SMARCAL1: variants seen among roughly 807,000 people sequenced by gnomAD.
The protein encoded by SMARCAL1 is SNF2 related chromatin remodeling annealing helicase 1, also known as ATP-driven annealing helicase.
Under a neutral mutation model 94.5 loss-of-function variants are expected in SMARCAL1, and 58 were observed. The observed-to-expected ratio is 0.61, with a 90% confidence interval of 0.50 to 0.76. The LOEUF (loss-of-function observed/expected upper bound fraction) is 0.76, where lower values mean the gene tolerates loss of function less well. Among genes scored for constraint, SMARCAL1 ranks in the 30% least tolerant of loss-of-function variants. The pLI, the probability that SMARCAL1 is intolerant of heterozygous loss-of-function variation, is 0.00. For synonymous variants in SMARCAL1, 422 were observed against 455.1 expected (o/e 0.93, Z 0.93); for missense variants, 1,051 against 1,177.9 (o/e 0.89, Z 1.58).
intron 17 of SMARCAL1, 130 bp downstream of exon 17, chr2:216,478,429 A>G: frequency 1.3e-6 from 1 of 756,708 alleles, no homozygotes; most frequent in East Asian, 2.5e-5. Context: ...AGCTGAAAAC[A>G]ATGGCCTGCA....
At chr2:216,439,474 A>C (rs1381403479) in intron 10 of SMARCAL1, among the ~76,000 whole-genome samples, 1 of 152,198 alleles carries the variant, frequency 6.6e-6, no homozygotes, top group Admixed American at 6.5e-5. Flanking sequence ...GAGCAAACCA[A>C]AGTGTGTGTT....
chr2:216,457,545 G>C (rs1387264127), intron 12 of SMARCAL1, among the ~76,000 whole-genome samples: 1 of 152,116 alleles, frequency 6.6e-6, no homozygotes, highest in African/African-American at 2.4e-5. Context: ...ACTCAAAACT[G>C]CTCAACTACA....
At chr2:216,420,852 A>G (rs180894191) in intron 5 of SMARCAL1, among the ~76,000 whole-genome samples, 1 of 152,314 alleles carries the variant, frequency 6.6e-6, no homozygotes, top group African/African-American at 2.4e-5. Context: ...GCAGAGCAGA[A>G]AAACAGGTGG....
At chr2:216,457,193 T>C (rs1231695120) in intron 12 of SMARCAL1, among the ~76,000 whole-genome samples, 1 of 152,064 alleles carries the variant, frequency 6.6e-6, no homozygotes, top group East Asian at 1.9e-4. Flanking sequence ...ATAAAGCAAG[T>C]CCTTAGAGAC....
chr2:216,423,370 T>C (rs1274596039), intron 5 of SMARCAL1, among the ~76,000 whole-genome samples: 1 of 152,232 alleles, frequency 6.6e-6, no homozygotes, highest in South Asian at 2.1e-4. Flanking sequence ...TCCCCAGCCA[T>C]GTATCCTGTG....
chr2:216,468,690 C>G (rs1381154785), intron 14 of SMARCAL1, among the ~76,000 whole-genome samples: 1 of 152,118 alleles, frequency 6.6e-6, no homozygotes, highest in African/African-American at 2.4e-5. Flanking sequence ...ACCCATGTAT[C>G]TCCCACCCAG....
chr2:216,448,304 T>G (rs1385776584), intron 11 of SMARCAL1, among the ~76,000 whole-genome samples: 1 of 152,258 alleles, frequency 6.6e-6, no homozygotes, highest in Non-Finnish European at 1.5e-5. Context: ...ATGTATGATT[T>G]GGATTTCTGT....
intron 12 of SMARCAL1, among the ~76,000 whole-genome samples, chr2:216,463,184 C>T (rs1275365425): frequency 6.6e-6 from 1 of 152,198 alleles, no homozygotes; most frequent in Non-Finnish European, 1.5e-5. Flanking sequence ...CTGTCAGTCA[C>T]AGATCTTACA....
intron 6 of SMARCAL1, among the ~76,000 whole-genome samples, chr2:216,424,002 A>T (rs1693778762): frequency 6.6e-6 from 1 of 152,208 alleles, no homozygotes; most frequent in South Asian, 2.1e-4. Context: ...ATCAGAAGTG[A>T]GCTAGGATTG....
chr2:216,462,751 C>T (rs910795329), intron 12 of SMARCAL1, among the ~76,000 whole-genome samples: 14 of 151,692 alleles, frequency 9.2e-5, no homozygotes, highest in Admixed American at 4.6e-4. Flanking sequence ...TGTAGGAGGC[C>T]AAGATGGGAG....
intron 17 of SMARCAL1, 23 bp downstream of exon 17, chr2:216,478,322 C>T (rs1164863135): frequency 6.4e-7 from 1 of 1,565,992 alleles, no homozygotes; most frequent in African/African-American, 1.4e-5. Flanking sequence ...CATGGCTCTT[C>T]ACCCCTGGAG....
chr2:216,458,532 G>A (rs1430689565), intron 12 of SMARCAL1, among the ~76,000 whole-genome samples: 6 of 152,042 alleles, frequency 3.9e-5, no homozygotes, highest in African/African-American at 9.7e-5. Context: ...TTCAACATAC[G>A]CAAATCAATA....
At position 216,416,121 on chromosome 2, in the gene SMARCAL1, T is replaced by G. The variant is rs1693595605; in HGVS notation, c.812-136T>G. On this transcript the variant is annotated intron_variant, in intron 3 of 17. Transcript: ENST00000357276. ...TTTACTATTTGTCCTCTACAGAGATTTTTATAGATCAGTGGGGGCTTGCTG... is the reference window on the plus strand; with the variant it reads ...TTTACTATTTGTCCTCTACAGAGATGTTTATAGATCAGTGGGGGCTTGCTG... The G allele has an allele frequency of 7.9e-6, 6 of 763,970 alleles. No homozygotes were observed. The South Asian group carries it at 8.2e-5, about 10-fold the overall frequency. 47.3% of individuals were successfully genotyped at this position (763,970 alleles called of 1,614,324 possible). A position where few individuals can be genotyped will look rare whatever the true frequency, so the allele number is the denominator to read the frequency against.
chr2:216,416,445 T>G, intron 4 of SMARCAL1, 138 bp downstream of exon 4: 1 of 750,138 alleles, frequency 1.3e-6, no homozygotes, highest in Non-Finnish European at 2.4e-6. Flanking sequence ...CAACACTCCT[T>G]CCCACTCTGT....
At chr2:216,446,374 C>T (rs1284942650) in intron 10 of SMARCAL1, among the ~76,000 whole-genome samples, 1 of 152,222 alleles carries the variant, frequency 6.6e-6, no homozygotes, top group Non-Finnish European at 1.5e-5. Flanking sequence ...GAGTCAGGAT[C>T]TGTAGGCTTG....
chr2:216,426,519 T>C (rs957403122), intron 6 of SMARCAL1, among the ~76,000 whole-genome samples: 5 of 152,186 alleles, frequency 3.3e-5, no homozygotes, highest in African/African-American at 1.2e-4. Flanking sequence ...ATTTAGAGTT[T>C]TTACCTGCTA....
At chr2:216,464,308 C>G (rs546670192) in intron 12 of SMARCAL1, among the ~76,000 whole-genome samples, 1 of 152,310 alleles carries the variant, frequency 6.6e-6, no homozygotes, top group East Asian at 1.9e-4. Flanking sequence ...GAAGCCCTAC[C>G]TGAAATGCGT....
chr2:216,450,704 A>G (rs1574467858), intron 11 of SMARCAL1, 142 bp from the exon 12 acceptor site: 2 of 641,266 alleles, frequency 3.1e-6, no homozygotes, highest in Non-Finnish European at 5.6e-6. Context: ...TTGGGGGTTT[A>G]TTTGTCCCTG....
In SMARCAL1 at chr2:216,416,432, C is replaced by T. The variant is rs967913809; in HGVS notation, c.862+125C>T. On this transcript the variant is annotated intron_variant, in intron 4 of 17. Coordinates refer to ENST00000357276, the MANE Select transcript of SMARCAL1 (RefSeq NM_014140.4). Reference sequence around the variant, plus strand: ...GTGGTGAAAGCTTTCAGGGCACCCCCCCCAACACTCCTTCCCACTCTGTCT... The same window carrying T: ...GTGGTGAAAGCTTTCAGGGCACCCCTCCCAACACTCCTTCCCACTCTGTCT... 31 of 787,488 alleles carry T rather than the reference C, an allele frequency of 3.9e-5. No individual in the cohort carries two copies. The African/African-American group carries it at 4.2e-4, about 11-fold the overall frequency. 48.8% of individuals were successfully genotyped at this position (787,488 alleles called of 1,614,324 possible).
Sources: allele counts gnomAD v4.1 joint callset (sites outside exome capture counted in the v4.1 genomes callset), GRCh38; gene constraint gnomAD v4.1.1; transcripts MANE v1.5; gene names NCBI Gene and HGNC (gene_info 2026-07-23, HGNC 2026-07-21).